The following NPAS3 variants were observed in gnomAD, a reference collection of about 807,000 sequenced individuals.
NPAS3 encodes neuronal PAS domain-containing protein 3.
In NPAS3, 14 loss-of-function variants were observed where a neutral mutation model predicts 73.1. The ratio of observed to expected loss-of-function variants is 0.19; its 90% CI spans 0.13 to 0.30. The LOEUF is 0.30. Among genes scored for constraint, NPAS3 ranks in the 10% least tolerant of loss-of-function variants. The probability of loss-of-function intolerance (pLI) is 1.00; values close to 1 mark genes in which losing one functional copy is unlikely to be tolerated. For missense variants in NPAS3, 1,096 were observed against 1,250.0 expected, an observed-to-expected ratio of 0.88 and a Z score of 1.86; for synonymous variants, 620 against 541.5, an observed-to-expected ratio of 1.14 and a Z score of -2.01.
chr14:33,001,661 G>A (rs902819592), intron 1 of NPAS3, among the ~76,000 whole-genome samples: 3 of 152,046 alleles, frequency 2.0e-5, no homozygotes, highest in African/African-American at 7.2e-5. Context: ...TGCCTCTTCA[G>A]CCTGTTCTTT....
intron 3 of NPAS3, among the ~76,000 whole-genome samples, chr14:33,319,397 A>T (rs1457349388): frequency 6.6e-6 from 1 of 152,118 alleles, no homozygotes; most frequent in Non-Finnish European, 1.5e-5. Flanking sequence ...AGATATTTAA[A>T]ACTACAATTA....
intron 3 of NPAS3, among the ~76,000 whole-genome samples, chr14:33,243,421 C>G (rs1372076648): frequency 6.6e-6 from 1 of 152,074 alleles, no homozygotes; most frequent in Non-Finnish European, 1.5e-5. Flanking sequence ...TCAGAATCAT[C>G]TGGAGGTCTT....
chr14:33,758,094 G>C (rs374678254), intron 7 of NPAS3, among the ~76,000 whole-genome samples: 4 of 152,258 alleles, frequency 2.6e-5, no homozygotes, highest in African/African-American at 9.6e-5. Context: ...GAATTCTTCT[G>C]TGGTTCCCCC....
At chr14:33,428,842 T>C (rs2048662677) in intron 4 of NPAS3, among the ~76,000 whole-genome samples, 1 of 152,176 alleles carries the variant, frequency 6.6e-6, no homozygotes, top group Non-Finnish European at 1.5e-5. Context: ...TTCCGTATTT[T>C]AAATAATTAA....
chr14:33,500,258 G>A (rs1249138973), intron 4 of NPAS3, among the ~76,000 whole-genome samples: 1 of 151,872 alleles, frequency 6.6e-6, no homozygotes, highest in Non-Finnish European at 1.5e-5. Context: ...GGGCGGGGTT[G>A]GGAGTTTAAG....
At chr14:33,719,534 A>G (rs2061047659) in intron 6 of NPAS3, among the ~76,000 whole-genome samples, 1 of 152,228 alleles carries the variant, frequency 6.6e-6, no homozygotes, top group African/African-American at 2.4e-5. Context: ...TTTTCTAAAT[A>G]CATATGCTAT....
At chr14:33,090,909 C>G (rs1263354571) in intron 2 of NPAS3, among the ~76,000 whole-genome samples, 1 of 152,094 alleles carries the variant, frequency 6.6e-6, no homozygotes, top group Admixed American at 6.6e-5. Context: ...GGGTACATAA[C>G]GAAATGAAGG....
intron 2 of NPAS3, among the ~76,000 whole-genome samples, chr14:33,156,664 T>C (rs1418390615): frequency 1.3e-5 from 2 of 152,220 alleles, no homozygotes; most frequent in African/African-American, 4.8e-5. Context: ...TTAAATTCCT[T>C]CCATGTTTTC....
intron 7 of NPAS3, among the ~76,000 whole-genome samples, chr14:33,764,221 C>T (rs368349794): frequency 2.6e-5 from 4 of 152,220 alleles, no homozygotes; most frequent in African/African-American, 9.6e-5. Flanking sequence ...CTCTCTAGGA[C>T]TACCATCTTC....
intron 5 of NPAS3, among the ~76,000 whole-genome samples, chr14:33,650,054 A>G (rs1304782462): frequency 2.0e-5 from 3 of 152,236 alleles, no homozygotes; most frequent in Non-Finnish European, 2.9e-5. Flanking sequence ...GGACAGTCTG[A>G]TTTAGTGCCT....
intron 3 of NPAS3, among the ~76,000 whole-genome samples, chr14:33,231,859 C>T (rs993450365): frequency 2.0e-5 from 3 of 152,176 alleles, no homozygotes; most frequent in African/African-American, 7.2e-5. Flanking sequence ...AATGCATTCA[C>T]TTTGGCCCTT....
At chr14:33,424,115 A>C (rs2048460660) in intron 4 of NPAS3, among the ~76,000 whole-genome samples, 1 of 150,286 alleles carries the variant, frequency 6.7e-6, no homozygotes, top group South Asian at 2.1e-4. Flanking sequence ...GTGCCACATG[A>C]GCATGAATTG....
chr14:33,604,065 T>A (rs1215742059), intron 5 of NPAS3, among the ~76,000 whole-genome samples: 1 of 151,234 alleles, frequency 6.6e-6, no homozygotes, highest in Non-Finnish European at 1.5e-5. Context: ...GATAAAATAG[T>A]GACATTGAGG....
intron 4 of NPAS3, among the ~76,000 whole-genome samples, chr14:33,380,879 A>G (rs1200518925): frequency 6.6e-6 from 1 of 152,144 alleles, no homozygotes; most frequent in Non-Finnish European, 1.5e-5. Flanking sequence ...GCCACCACAA[A>G]AATGCCCTCT....
At chr14:33,718,235 G>T (rs1388050002) in intron 6 of NPAS3, among the ~76,000 whole-genome samples, 2 of 151,914 alleles carry the variant, frequency 1.3e-5, no homozygotes, top group Admixed American at 1.3e-4. Flanking sequence ...TTGTCACTTT[G>T]TCTGTGTAAT....
intron 4 of NPAS3, among the ~76,000 whole-genome samples, chr14:33,447,099 T>C (rs2049545972): frequency 1.3e-5 from 2 of 152,356 alleles, no homozygotes; most frequent in East Asian, 1.9e-4. Flanking sequence ...AGACCTGTAA[T>C]AGCAATCCAT....
intron 10 of NPAS3, among the ~76,000 whole-genome samples, chr14:33,794,610 A>AT (rs5807747): frequency 0.058 from 8,285 of 143,262 alleles, 578 homozygotes; most frequent in African/African-American, 0.15. Flanking sequence ...AATGAAGGCA[A>AT]TTTTTTTTTT....
At chr14:33,440,929 G>A (rs10131581) in intron 4 of NPAS3, among the ~76,000 whole-genome samples, 11,153 of 150,026 alleles carry the variant, frequency 0.074, 526 homozygotes, top group African/African-American at 0.13. Context: ...AGCACAAACA[G>A]CTGTTTTTCT....
Position 33,605,393 on chromosome 14 carries a change from T to TAAAAAAAAA in NPAS3, c.558+45192_558+45200dup, listed in dbSNP as rs57109563. On this transcript the variant is annotated intron_variant, in intron 5 of 11. Transcript: ENST00000356141. ...GAGAAGAGATAAAAGGCATTCAAATTAAAAAAAAAAAAAAAAACACAAACC... is the reference window on the plus strand; with the variant it reads ...GAGAAGAGATAAAAGGCATTCAAATTAAAAAAAAAAAAAAAAAAAAAAAAAACACAAACC... 1.6e-4 allele frequency among the ~76,000 whole-genome samples: 22 copies of TAAAAAAAAA among 137,352 alleles called. No homozygotes were observed. The East Asian group carries it at 1.9e-3, about 12-fold the overall frequency. 90.1% of individuals were successfully genotyped at this position (137,352 alleles called of 152,430 possible).
Sources: allele counts gnomAD v4.1 joint callset (sites outside exome capture counted in the v4.1 genomes callset), GRCh38; gene constraint gnomAD v4.1.1; transcripts MANE v1.5; gene names NCBI Gene and HGNC (gene_info 2026-07-23, HGNC 2026-07-21).